The following CNIH3 variants were observed in gnomAD, a reference collection of about 807,000 sequenced individuals.
CNIH3 encodes the protein cornichon family AMPA receptor auxiliary protein 3.
Under a neutral mutation model 24.1 loss-of-function variants are expected in CNIH3, and 14 were observed. The ratio of observed to expected loss-of-function variants is 0.58; its 90% CI spans 0.38 to 0.91. The LOEUF (loss-of-function observed/expected upper bound fraction) is 0.91, where lower values mean the gene tolerates loss of function less well. CNIH3 is among the 40% of genes least tolerant of loss of function. CNIH3 has a pLI of 0.00. For synonymous variants in CNIH3, 68 were observed against 73.8 expected, an observed-to-expected ratio of 0.92 and a Z score of 0.40; for missense variants, 178 against 196.8, an observed-to-expected ratio of 0.90 and a Z score of 0.57.
intron 1 of CNIH3, among the ~76,000 whole-genome samples, chr1:224,664,518 G>T (rs1685507172): frequency 6.6e-6 from 1 of 152,098 alleles, no homozygotes; most frequent in African/African-American, 2.4e-5. Flanking sequence ...ATTATGGAGG[G>T]GTGCTACAAC....
At chr1:224,735,138 G>A (rs1315821950) in intron 5 of CNIH3, among the ~76,000 whole-genome samples, 1 of 152,080 alleles carries the variant, frequency 6.6e-6, no homozygotes. Context: ...CATAACAGAG[G>A]CCCCAAACTC....
chr1:224,562,450 G>C (rs924239729), intron 3 of CNIH3, among the ~76,000 whole-genome samples: 1 of 152,124 alleles, frequency 6.6e-6, no homozygotes, highest in East Asian at 1.9e-4. Flanking sequence ...GAAAAATGTG[G>C]GTTTAAGGGA....
chr1:224,666,827 C>T (rs947865376), intron 1 of CNIH3, among the ~76,000 whole-genome samples: 2 of 152,174 alleles, frequency 1.3e-5, no homozygotes, highest in African/African-American at 4.8e-5. Flanking sequence ...CTAGATCCCC[C>T]AACGGTAGTC....
At chr1:224,471,921 T>C (rs576625956) in intron 1 of CNIH3, among the ~76,000 whole-genome samples, 10 of 152,304 alleles carry the variant, frequency 6.6e-5, no homozygotes, top group African/African-American at 2.4e-4. Context: ...TGAATAGTAC[T>C]CCATTGTGTA....
chr1:224,691,436 G>T (rs1037284373), intron 3 of CNIH3, among the ~76,000 whole-genome samples: 1 of 152,240 alleles, frequency 6.6e-6, no homozygotes, highest in African/African-American at 2.4e-5. Flanking sequence ...GGGAGTGTGT[G>T]TCAAGGCTGT....
At chr1:224,544,995 T>C (rs536442255) in intron 2 of CNIH3, among the ~76,000 whole-genome samples, 1 of 152,306 alleles carries the variant, frequency 6.6e-6, no homozygotes, top group Non-Finnish European at 1.5e-5. Context: ...ATGGATTCCA[T>C]GTGGCACAAA....
At chr1:224,560,446 C>A (rs1251003564) in intron 3 of CNIH3, among the ~76,000 whole-genome samples, 1 of 152,116 alleles carries the variant, frequency 6.6e-6, no homozygotes, top group Non-Finnish European at 1.5e-5. Context: ...CTGTTAGGAA[C>A]CGGGCCCCAC....
At chr1:224,632,126 C>T (rs1019575418) in intron 1 of CNIH3, among the ~76,000 whole-genome samples, 4 of 87,320 alleles carry the variant, frequency 4.6e-5, no homozygotes, top group African/African-American at 1.5e-4. Context: ...ATTGCGAGGG[C>T]ACTGCCCTGC....
intron 1 of CNIH3, chr1:224,434,998 C>T: frequency 1.0e-6 from 1 of 985,430 alleles, no homozygotes; most frequent in East Asian, 1.1e-4. Flanking sequence ...CGATCCTATC[C>T]CCGGCCCCGC....
chr1:224,586,934 G>A lies in CNIH3; in HGVS notation n.621-1427G>A, dbSNP rs562527794. On this transcript the variant is annotated intron_variant and non_coding_transcript_variant, in intron 5 of 5. Coordinates refer to the CNIH3 transcript ENST00000471578. Reference sequence around the variant, plus strand: ...AGGAAAGATTCTCTTCTAAAGACTGGCAGGGGAGCATGGCCCTGCTGACAC... The same window carrying A: ...AGGAAAGATTCTCTTCTAAAGACTGACAGGGGAGCATGGCCCTGCTGACAC... 2.0e-4 allele frequency among the ~76,000 whole-genome samples: 30 copies of A among 152,302 alleles called. 1 individual carries two copies. Among genetic ancestry groups the A allele is most frequent in the Middle Eastern group, 6.8e-3 (2 of 294 alleles).
chr1:224,442,950 C>G (rs879904974), intron 1 of CNIH3, among the ~76,000 whole-genome samples: 11 of 152,166 alleles, frequency 7.2e-5, no homozygotes, highest in Non-Finnish European at 1.3e-4. Flanking sequence ...ACCTTTGAAG[C>G]CTGTATCATT....
At chr1:224,686,682 C>G (rs959347807) in intron 3 of CNIH3, among the ~76,000 whole-genome samples, 5 of 152,190 alleles carry the variant, frequency 3.3e-5, no homozygotes, top group African/African-American at 9.7e-5. Flanking sequence ...ATCCTGTATT[C>G]TCTGGCAGAA....
At chr1:224,671,279 C>G (rs552754857) in intron 1 of CNIH3, among the ~76,000 whole-genome samples, 2 of 152,232 alleles carry the variant, frequency 1.3e-5, no homozygotes, top group Non-Finnish European at 2.9e-5. Flanking sequence ...CTCTGGGCCT[C>G]TCCAACCAGA....
chr1:224,736,937 T>A (rs1426828536), intron 5 of CNIH3, among the ~76,000 whole-genome samples: 1 of 152,206 alleles, frequency 6.6e-6, no homozygotes, highest in African/African-American at 2.4e-5. Context: ...TCAACCCTGC[T>A]TTCTTTGTGG....
chr1:224,735,505 C>T (rs1045689831), intron 5 of CNIH3, among the ~76,000 whole-genome samples: 4 of 152,206 alleles, frequency 2.6e-5, no homozygotes, highest in East Asian at 1.9e-4. Context: ...CCAAACCTCC[C>T]GGTGATGTCT....
chr1:224,688,852 G>A (rs1222398216), intron 3 of CNIH3, among the ~76,000 whole-genome samples: 2 of 151,152 alleles, frequency 1.3e-5, no homozygotes, highest in African/African-American at 4.9e-5. Context: ...TTGAACCCAG[G>A]AGGTGGAGGT....
chr1:224,673,888 A>T (rs568345900), intron 1 of CNIH3, among the ~76,000 whole-genome samples: 4 of 152,186 alleles, frequency 2.6e-5, no homozygotes, highest in East Asian at 1.9e-4. Flanking sequence ...AGCGTGCTGG[A>T]TGGAGCACTA....
chr1:224,615,174 T>C (rs897650073), upstream of CNIH3: 7 of 152,170 alleles, frequency 4.6e-5, no homozygotes, highest in African/African-American at 1.7e-4. Context: ...AGAGTCAGAA[T>C]CAAGCAATAG....
chr1:224,706,904 T>C (rs1687840262), intron 3 of CNIH3, among the ~76,000 whole-genome samples: 1 of 152,084 alleles, frequency 6.6e-6, no homozygotes, highest in Non-Finnish European at 1.5e-5. Flanking sequence ...TTTCATATTA[T>C]TATGTACTTT....
Sources: allele counts gnomAD v4.1 joint callset (sites outside exome capture counted in the v4.1 genomes callset), GRCh38; gene constraint gnomAD v4.1.1; transcripts MANE v1.5; gene names NCBI Gene and HGNC (gene_info 2026-07-23, HGNC 2026-07-21).